Variants in FLRT2 observed in about 807,000 individuals in gnomAD.
FLRT2 encodes the protein leucine-rich repeat transmembrane protein FLRT2.
A neutral mutation model predicts 40.0 loss-of-function variants in FLRT2; 15 were observed. That is an observed-to-expected ratio of 0.38 (90% CI 0.25 to 0.58). The LOEUF (loss-of-function observed/expected upper bound fraction) is 0.58, where lower values mean the gene tolerates loss of function less well. FLRT2 is among the 20% of genes least tolerant of loss of function. FLRT2 has a pLI of 0.71. For synonymous variants in FLRT2, 380 were observed against 336.8 expected (o/e 1.13, Z -1.41); for missense variants, 726 against 840.0 (o/e 0.86, Z 1.68).
intron 1 of FLRT2, among the ~76,000 whole-genome samples, chr14:85,574,540 C>A (rs1891038192): frequency 6.6e-6 from 1 of 152,072 alleles, no homozygotes; most frequent in Non-Finnish European, 1.5e-5. Flanking sequence ...CTTTTGAGAA[C>A]CATTATACTG....
At position 85,644,571 on chromosome 14, in the gene FLRT2, C is replaced by A. The variant is rs1355824628; in HGVS notation, c.*21074C>A. ...ATTCTCACTAAAACTCAGGGACATGCCACCTTTTGCAAATTTCTGGGAGTT... is the reference window on the plus strand; with the variant it reads ...ATTCTCACTAAAACTCAGGGACATGACACCTTTTGCAAATTTCTGGGAGTT... On this transcript the variant is annotated 3_prime_UTR_variant, in exon 2 of 2. Transcript: ENST00000330753. 6.6e-6 allele frequency: 1 copy of A among 152,194 alleles called. No homozygotes were observed. The allele number at this position is 152,194 out of a possible 1,614,324, so 9.4% of individuals were successfully genotyped here.
At chr14:85,558,078 C>T (rs191001016) in intron 1 of FLRT2, among the ~76,000 whole-genome samples, 127 of 152,196 alleles carry the variant, frequency 8.3e-4, no homozygotes, top group Non-Finnish European at 1.2e-3. Context: ...CGTAGACTTC[C>T]GTAGAAAGCA....
chr14:85,644,934 T>C lies in FLRT2; in HGVS notation c.*21437T>C, dbSNP rs1487281198. 2.6e-5 allele frequency: 4 copies of C among 152,110 alleles called. No homozygotes were observed. The highest frequency in any genetic ancestry group is 5.9e-5 in the Non-Finnish European group (4 of 68,034). The allele number at this position is 152,110 out of a possible 1,614,324, so 9.4% of individuals were successfully genotyped here. Reference sequence around the variant, plus strand: ...AGATTAATAGCGTAGAGCTCTGTGGTTCTGAAGCAAAATCATGCTTTCTTT... The same window carrying C: ...AGATTAATAGCGTAGAGCTCTGTGGCTCTGAAGCAAAATCATGCTTTCTTT... On this transcript the variant is annotated 3_prime_UTR_variant, in exon 2 of 2. Transcript: ENST00000330753.
rs140259008 is a variant in FLRT2, at chr14:85,556,393, G to A, written c.-377+25859G>A. On this transcript the variant is annotated intron_variant, in intron 1 of 1. Coordinates refer to ENST00000330753, the MANE Select transcript of FLRT2 (RefSeq NM_013231.6). ...AGTAGTGATGTGTTAATTTCAAAAT[G>A]TTAGTGATAAAATACTGTTGCTAAA... Among the ~76,000 whole-genome samples the A allele has an allele frequency of 8.5e-5, 13 of 152,254 alleles. No individual in the cohort carries two copies. The East Asian group carries it at 1.9e-3, about 23-fold the overall frequency.
At chr14:85,617,515 A>G (rs745589936) in intron 1 of FLRT2, among the ~76,000 whole-genome samples, 25 of 152,176 alleles carry the variant, frequency 1.6e-4, no homozygotes, top group Non-Finnish European at 2.2e-4. Flanking sequence ...ACCATTATAC[A>G]TTCTTTCTCT....
intron 1 of FLRT2, among the ~76,000 whole-genome samples, chr14:85,576,774 G>A (rs921568381): frequency 3.9e-5 from 6 of 152,150 alleles, no homozygotes; most frequent in African/African-American, 1.4e-4. Flanking sequence ...CTATTGCATT[G>A]GAGAAAAGGT....
At chr14:85,588,457 G>GTT (rs11324915) in intron 1 of FLRT2, among the ~76,000 whole-genome samples, 1 of 147,260 alleles carries the variant, frequency 6.8e-6, no homozygotes, top group Non-Finnish European at 1.5e-5. Context: ...CACTAGCTCA[G>GTT]TTTTTTTTTT....
chr14:85,595,526 A>G (rs1892097466), intron 1 of FLRT2, among the ~76,000 whole-genome samples: 1 of 151,990 alleles, frequency 6.6e-6, no homozygotes, highest in Admixed American at 6.6e-5. Context: ...CATTTCAAGT[A>G]TATATATGTG....
intron 1 of FLRT2, among the ~76,000 whole-genome samples, chr14:85,535,358 A>C (rs916725156): frequency 1.4e-5 from 2 of 141,168 alleles, no homozygotes; most frequent in African/African-American, 5.1e-5. Flanking sequence ...CCCCCCCAAA[A>C]AAAAAAAACA....
chr14:85,645,566 G>T lies in FLRT2; in HGVS notation c.*22069G>T, dbSNP rs1894277486. 6.6e-6 allele frequency: 1 copy of T among 152,084 alleles called. No homozygotes were observed. The highest frequency in any genetic ancestry group is 1.5e-5 in the Non-Finnish European group (1 of 68,020). The allele number at this position is 152,084 out of a possible 1,614,324, so 9.4% of individuals were successfully genotyped here. On this transcript the variant is annotated 3_prime_UTR_variant, in exon 2 of 2. Transcript: ENST00000330753. Reference sequence around the variant, plus strand: ...AGCATGGATACAATTTGGATCATTGGTAATAAGGAGACTTAGGGAAGAAAT... The same window carrying T: ...AGCATGGATACAATTTGGATCATTGTTAATAAGGAGACTTAGGGAAGAAAT...
At chr14:85,617,626 T>G (rs1453378197) in intron 1 of FLRT2, among the ~76,000 whole-genome samples, 2 of 152,148 alleles carry the variant, frequency 1.3e-5, no homozygotes, top group Non-Finnish European at 2.9e-5. Flanking sequence ...TTTAAAAATT[T>G]AAATGTAGAA....
Position 85,644,246 on chromosome 14 carries a change from G to A in FLRT2, c.*20749G>A, listed in dbSNP as rs1894237194. ...CAGTTGCTATGGTTGTGGAAGATAT[G>A]GTCTCTACTTAAACAAATTCAACTG... On this transcript the variant is annotated 3_prime_UTR_variant, in exon 2 of 2. Coordinates refer to ENST00000330753, the MANE Select transcript of FLRT2 (RefSeq NM_013231.6). The A allele has an allele frequency of 6.6e-6, 1 of 152,008 alleles. No homozygotes were observed. The highest frequency in any genetic ancestry group is 2.1e-4 in the South Asian group (1 of 4,818). 9.4% of individuals were successfully genotyped at this position (152,008 alleles called of 1,614,324 possible).
Position 85,638,051 on chromosome 14 carries a change from C to T in FLRT2, c.*14554C>T, listed in dbSNP as rs951489782. ...TTTCAAGAAGTGAAATGTTTAGTAA[C>T]CATTATGATGGAAGCTGGGACTAGG... On this transcript the variant is annotated 3_prime_UTR_variant, in exon 2 of 2. Coordinates refer to ENST00000330753, the MANE Select transcript of FLRT2 (RefSeq NM_013231.6). The T allele has an allele frequency of 7.2e-5, 11 of 152,040 alleles. No homozygotes were observed. The highest frequency in any genetic ancestry group is 2.4e-4 in the African/African-American group (10 of 41,416). 9.4% of individuals were successfully genotyped at this position (152,040 alleles called of 1,614,324 possible).
At chr14:85,613,660 T>C (rs1035240286) in intron 1 of FLRT2, among the ~76,000 whole-genome samples, 7 of 152,138 alleles carry the variant, frequency 4.6e-5, no homozygotes, top group African/African-American at 1.7e-4. Context: ...TACAAACAGA[T>C]CTTGAATGCC....
Position 85,621,398 on chromosome 14 carries a change from T to G in FLRT2, c.-117T>G, listed in dbSNP as rs1893371667. ...TACCATACGCCCTCAGGACGTTCCC[T>G]CTAGCTGGAGTTCTGGACTTCAACA... On this transcript the variant is annotated 5_prime_UTR_variant, in exon 2 of 2. Coordinates refer to ENST00000330753, the MANE Select transcript of FLRT2 (RefSeq NM_013231.6). The G allele has an allele frequency of 1.1e-6, 1 of 915,908 alleles. No individual in the cohort carries two copies. The highest frequency in any genetic ancestry group is 2.9e-5 in the Admixed American group (1 of 34,998). 56.7% of individuals were successfully genotyped at this position (915,908 alleles called of 1,614,324 possible).
chr14:85,611,205 T>C (rs988058780), intron 1 of FLRT2, among the ~76,000 whole-genome samples: 1 of 152,164 alleles, frequency 6.6e-6, no homozygotes, highest in Non-Finnish European at 1.5e-5. Context: ...AGCACCTTCC[T>C]GACTGTAGGG....
Position 85,623,402 on chromosome 14 carries a change from C to G in FLRT2, c.1888C>G (p.Pro630Ala). Residue 630 changes from proline to alanine, a missense_variant, in exon 2 of 2, where the codon CCA becomes GCA. Pro to Ala is a conservative substitution (Grantham distance 27). This residue lies in a region of FLRT2 where 611 missense variants were observed against 690.0 expected (regional missense o/e 0.89). Transcript: ENST00000330753. ...GDFRLQPIYT[P>A]NGGINYTDCH... ...TTTCAGACTGCAGCCCATTTACACCCCAAATGGGGGCATTAATTACACAGA... is the reference window on the plus strand; with the variant it reads ...TTTCAGACTGCAGCCCATTTACACCGCAAATGGGGGCATTAATTACACAGA... 1.3e-6 allele frequency: 2 copies of G among 1,508,670 alleles called. No individual in the cohort carries two copies. Among genetic ancestry groups the G allele is most frequent in the Non-Finnish European group, 1.8e-6 (2 of 1,131,462 alleles). 93.5% of individuals were successfully genotyped at this position (1,508,670 alleles called of 1,614,324 possible).
chr14:85,601,780 A>T (rs1892387273), intron 1 of FLRT2, among the ~76,000 whole-genome samples: 1 of 152,222 alleles, frequency 6.6e-6, no homozygotes, highest in Non-Finnish European at 1.5e-5. Context: ...GATTTTAAAT[A>T]ATTATAATTA....
intron 1 of FLRT2, among the ~76,000 whole-genome samples, chr14:85,591,142 T>C (rs367794406): frequency 3.3e-5 from 5 of 152,228 alleles, no homozygotes; most frequent in Non-Finnish European, 7.3e-5. Flanking sequence ...AGACATCCAA[T>C]TCATTGAAAA....
Sources: allele counts gnomAD v4.1 joint callset (sites outside exome capture counted in the v4.1 genomes callset), GRCh38; gene constraint gnomAD v4.1.1; regional missense constraint gnomAD v4.1.1; transcripts MANE v1.5; gene names NCBI Gene and HGNC (gene_info 2026-07-23, HGNC 2026-07-21).